ZMYND8: variants seen among roughly 807,000 people sequenced by gnomAD.
ZMYND8 encodes the protein zinc finger MYND-type containing 8.
A neutral mutation model predicts 140.8 loss-of-function variants in ZMYND8; 37 were observed. The observed-to-expected ratio is 0.26, with a 90% CI of 0.20 to 0.35. ZMYND8 has a LOEUF of 0.35. Among genes scored for constraint, ZMYND8 ranks in the 10% least tolerant of loss-of-function variants. ZMYND8 has a pLI of 1.00. For missense variants in ZMYND8, 1,068 were observed against 1,570.0 expected (o/e 0.68, Z 5.40); for synonymous variants, 592 against 597.1 (o/e 0.99, Z 0.12).
intron 7 of ZMYND8, among the ~76,000 whole-genome samples, chr20:47,289,906 T>C (rs1241635928): frequency 1.3e-5 from 2 of 152,196 alleles, no homozygotes; most frequent in Non-Finnish European, 2.9e-5. Flanking sequence ...AATATAAACA[T>C]AAAATCTGTA....
chr20:47,318,022 T>C, intron 2 of ZMYND8, among the ~76,000 whole-genome samples: 1 of 152,056 alleles, frequency 6.6e-6, no homozygotes, highest in Admixed American at 6.6e-5. Flanking sequence ...CCAATCACTC[T>C]TCCTCCTTTT....
intron 1 of ZMYND8, chr20:47,348,146 T>C: frequency 1.8e-6 from 1 of 570,308 alleles, no homozygotes; most frequent in Admixed American, 3.1e-5. Flanking sequence ...TAAGTCAAAT[T>C]ACTATTCCAG....
At chr20:47,288,802 C>T (rs921761520) in intron 7 of ZMYND8, among the ~76,000 whole-genome samples, 7 of 152,172 alleles carry the variant, frequency 4.6e-5, no homozygotes, top group African/African-American at 1.7e-4. Flanking sequence ...ATATATCTTT[C>T]CTTAAACACT....
At chr20:47,233,910 T>C (rs893760571) in intron 16 of ZMYND8, among the ~76,000 whole-genome samples, 4 of 152,190 alleles carry the variant, frequency 2.6e-5, no homozygotes, top group Non-Finnish European at 4.4e-5. Flanking sequence ...CCCAACCTAC[T>C]AATATTTTGT....
chr20:47,213,384 T>C (rs774042083), intron 21 of ZMYND8, among the ~76,000 whole-genome samples: 1 of 151,892 alleles, frequency 6.6e-6, no homozygotes, highest in Non-Finnish European at 1.5e-5. Context: ...AGAGAAAAAA[T>C]AGAAACTCCA....
intron 17 of ZMYND8, 72 bp from the exon 18 acceptor site, chr20:47,227,353 C>T (rs1459488840): frequency 5.6e-6 from 8 of 1,440,390 alleles, no homozygotes; most frequent in African/African-American, 2.8e-5. Flanking sequence ...GAAGCTCAAC[C>T]ACGGCTGGCT....
At chr20:47,307,753 G>A (rs1216493919) in intron 3 of ZMYND8, among the ~76,000 whole-genome samples, 1 of 151,950 alleles carries the variant, frequency 6.6e-6, no homozygotes, top group East Asian at 1.9e-4. Flanking sequence ...CTTGAACCTG[G>A]GAGGCAAAGG....
At chr20:47,238,665 T>TA (rs529703367) in intron 15 of ZMYND8, 93 bp downstream of exon 15, 30,798 of 1,014,938 alleles carry the variant, frequency 0.03, no homozygotes, top group Non-Finnish European at 0.035. Context: ...AAACGAGAAC[T>TA]AAAAAAAAAA....
chr20:47,228,165 G>C (rs1026155337), intron 17 of ZMYND8, among the ~76,000 whole-genome samples: 6 of 151,962 alleles, frequency 3.9e-5, no homozygotes, highest in African/African-American at 1.4e-4. Flanking sequence ...TTCTTAACTG[G>C]GGCAATTTCG....
At chr20:47,251,349 G>A (rs961339233) in intron 12 of ZMYND8, among the ~76,000 whole-genome samples, 2 of 152,142 alleles carry the variant, frequency 1.3e-5, no homozygotes, top group Admixed American at 1.3e-4. Flanking sequence ...ACTTTCGGAG[G>A]CAGAGGCAGG....
At chr20:47,303,789 TG>T (rs1181489765) in intron 3 of ZMYND8, among the ~76,000 whole-genome samples, 1 of 152,110 alleles carries the variant, frequency 6.6e-6, no homozygotes, top group Non-Finnish European at 1.5e-5. Context: ...GCCGAGGTAC[TG>T]ATCCTCCAAA....
Position 47,326,107 on chromosome 20 carries a change from G to A in ZMYND8, c.86-15903C>T, listed in dbSNP as rs372271471. ...TGAGTAGCTGGGATTACAGGTGCCC[G>A]CTACCACGCCCGGCTAATTCTTTGT... On this transcript the variant is annotated intron_variant, in intron 2 of 22. Transcript: ENST00000471951. Among the ~76,000 whole-genome samples the A allele has an allele frequency of 5.9e-5, 9 of 152,218 alleles. 1 individual carries two copies. In the South Asian group the frequency reaches 1.0e-3, roughly 18 times the overall value.
intron 19 of ZMYND8, among the ~76,000 whole-genome samples, chr20:47,222,084 T>TAG (rs3091674): frequency 0.21 from 32,432 of 152,176 alleles, 4,502 homozygotes; most frequent in African/African-American, 0.39. Context: ...ACTGCTGATT[T>TAG]AGTTACTCTA....
intron 19 of ZMYND8, among the ~76,000 whole-genome samples, chr20:47,223,826 C>CA (rs750139299): frequency 0.05 from 5,303 of 106,086 alleles, 292 homozygotes; most frequent in African/African-American, 0.15. Context: ...AACTCTGTCT[C>CA]AAAAAAAAAA....
intron 2 of ZMYND8, among the ~76,000 whole-genome samples, chr20:47,311,856 G>T (rs2078959929): frequency 6.6e-6 from 1 of 152,166 alleles, no homozygotes; most frequent in African/African-American, 2.4e-5. Flanking sequence ...GGTGACAAAA[G>T]TGAGACTCTG....
intron 2 of ZMYND8, among the ~76,000 whole-genome samples, chr20:47,340,178 G>A (rs546661029): frequency 6.6e-6 from 1 of 152,172 alleles, no homozygotes; most frequent in South Asian, 2.1e-4. Context: ...CTGACCTCAT[G>A]ATCCGCCTCT....
intron 3 of ZMYND8, among the ~76,000 whole-genome samples, chr20:47,304,570 C>G (rs897248633): frequency 5.9e-5 from 9 of 152,210 alleles, no homozygotes; most frequent in African/African-American, 2.2e-4. Context: ...AACACAAGGT[C>G]CATGTGTGGA....
At chr20:47,338,414 A>G (rs1602065136) in intron 2 of ZMYND8, among the ~76,000 whole-genome samples, 1 of 151,460 alleles carries the variant, frequency 6.6e-6, no homozygotes, top group East Asian at 1.9e-4. Context: ...CTTCCCAAGA[A>G]AAGCAGGCTG....
intron 1 of ZMYND8, among the ~76,000 whole-genome samples, chr20:47,350,540 G>A (rs2148621285): frequency 6.6e-6 from 1 of 151,566 alleles, no homozygotes; most frequent in African/African-American, 2.4e-5. Flanking sequence ...ATCAAAAGTA[G>A]GCGCAAGAAA....
Sources: allele counts gnomAD v4.1 joint callset (sites outside exome capture counted in the v4.1 genomes callset), GRCh38; gene constraint gnomAD v4.1.1; transcripts MANE v1.5; gene names NCBI Gene and HGNC (gene_info 2026-07-23, HGNC 2026-07-21).